Variants in NBPF19 observed in about 807,000 individuals in gnomAD.
The protein encoded by NBPF19 is NBPF family member NBPF19.
NBPF19 carries 30 observed loss-of-function variants against 45.9 expected under a neutral mutation model. The ratio of observed to expected loss-of-function variants is 0.65; its 90% CI spans 0.49 to 0.89. The LOEUF (loss-of-function observed/expected upper bound fraction) is 0.89, where lower values mean the gene tolerates loss of function less well. NBPF19 is among the 40% of genes least tolerant of loss of function. The pLI is 0.00. For missense variants in NBPF19, 495 were observed against 471.8 expected (o/e 1.05, Z -0.46); for synonymous variants, 183 against 181.2 (o/e 1.01, Z -0.08).
At chr1:149,478,806 A>G (rs1266834609) in intron 3 of NBPF19, 74 bp from the exon 4 acceptor site, 6 of 1,358,486 alleles carry the variant, frequency 4.4e-6, no homozygotes, top group Non-Finnish European at 6.3e-6. Flanking sequence ...TTGTCTCAGA[A>G]GTCTCTGTTG....
chr1:149,486,414 A>T, intron 8 of NBPF19, 121 bp downstream of exon 8: 1 of 677,212 alleles, frequency 1.5e-6, no homozygotes. Flanking sequence ...CTGAACCTAT[A>T]TATCAATGTA....
Position 149,491,070 on chromosome 1 carries a change from A to T in NBPF19, c.1491-69A>T, listed in dbSNP as rs1400618584. 1.6e-5 allele frequency: 5 copies of T among 314,462 alleles called. 1 individual carries two copies. Among genetic ancestry groups the T allele is most frequent in the Non-Finnish European group, 2.2e-5 (4 of 182,232 alleles). The allele number at this position is 314,462 out of a possible 1,614,324, so 19.5% of individuals were successfully genotyped here. A position where few individuals can be genotyped will look rare whatever the true frequency, so the allele number is the denominator to read the frequency against. ...TAACCACTTCCCTATGCTACCCATG[A>T]AACCTAGTTGGGGCTCTGTTGTGTG... On this transcript the variant is annotated intron_variant, in intron 13 of 93. Coordinates refer to ENST00000651566, the MANE Select transcript of NBPF19 (RefSeq NM_001351365.2).
At position 149,554,692 on chromosome 1, in the gene NBPF19, C is replaced by G. The variant is rs1327509963; in HGVS notation, c.11486C>G (p.Thr3829Arg). ...AATAGGTTTTTTACTTTGACGGTGA[C>G]AAGTCTCCATCTGGTGTTCCAGATG... is the stretch of plus-strand genomic sequence containing the variant. ...LDNRFFTLTV[T>R]SLHLVFQMLV... is the part of the protein sequence containing the mutation. The change falls in exon 94 of 94, where the codon ACA becomes AGA. Residue 3829 changes from threonine to arginine, a missense_variant. This residue lies in a region of NBPF19 where 248 missense variants were observed against 95.4 expected (regional missense o/e 2.60). Transcript: ENST00000651566. 25 of 1,608,180 alleles carry G rather than the reference C, an allele frequency of 1.6e-5. 1 individual carries two copies. Among genetic ancestry groups the G allele is most frequent in the African/African-American group, 2.7e-5 (2 of 74,660 alleles).
chr1:149,478,087 T>A, intron 3 of NBPF19, 40 bp downstream of exon 3: 1 of 1,461,850 alleles, frequency 6.8e-7, no homozygotes, highest in Non-Finnish European at 9.5e-7. Context: ...CGGGTAGGTG[T>A]GTAGATCTCT....
intron 13 of NBPF19, among the ~76,000 whole-genome samples, chr1:149,490,905 TGTGTGTGTGTGTGTGC>T (rs2085826771): frequency 7.6e-6 from 1 of 131,932 alleles, no homozygotes. Context: ...TCTCTGTGTG[TGTGTGTGTGTGTGTGC>T]GTGTGTGTGT....
chr1:149,554,845 G>T lies in NBPF19; in HGVS notation c.*107G>T, dbSNP rs1278524665. 4 of 1,564,898 alleles carry T rather than the reference G, an allele frequency of 2.6e-6. No individual in the cohort carries two copies. Among genetic ancestry groups the T allele is most frequent in the Admixed American group, 1.8e-5 (1 of 56,784 alleles). ...CATTTGGAAGCCCAGACATAGGATG[G>T]GTCAGTGGGCATGGCTCTTTTCCTA... On this transcript the variant is annotated 3_prime_UTR_variant, in exon 94 of 94. Transcript: ENST00000651566.
rs1437653557 is a variant in NBPF19 at position 149,488,327 on chromosome 1, C to T, written c.1213+142C>T. On this transcript the variant is annotated intron_variant, in intron 10 of 93. Coordinates refer to ENST00000651566, the MANE Select transcript of NBPF19 (RefSeq NM_001351365.2). ...ATAGGCACATGTAGGTTGAATGAAACTCTAGTTCCACTTGGCAGCCCAGAC... is the reference window on the plus strand; with the variant it reads ...ATAGGCACATGTAGGTTGAATGAAATTCTAGTTCCACTTGGCAGCCCAGAC... The T allele has an allele frequency of 2.1e-5, 13 of 625,366 alleles. No homozygotes were observed. The Admixed American group carries it at 2.2e-4, about 11-fold the overall frequency. 38.7% of individuals were successfully genotyped at this position (625,366 alleles called of 1,614,324 possible).
At position 149,487,805 on chromosome 1, in the gene NBPF19, G is replaced by GTGTGTGTGTGTGTT. The variant is rs1553710673; in HGVS notation, c.1041-195_1041-194insTTGTGTGTGTGTGT. On this transcript the variant is annotated intron_variant, in intron 9 of 93. Transcript: ENST00000651566. ...TGTGTGTGTGTGTGTGTGTGTGTGT[G>GTGTGTGTGTGTGTT]TGTGTGTGTGTGTGTGTGTCTTTCT... Among the ~76,000 whole-genome samples, 122 of 148,354 alleles carry GTGTGTGTGTGTGTT rather than the reference G, an allele frequency of 8.2e-4. 1 individual carries two copies. The highest frequency in any genetic ancestry group is 3.4e-3 in the Middle Eastern group (1 of 290).
At chr1:149,487,635 A>G (rs1355395000) in intron 9 of NBPF19, among the ~76,000 whole-genome samples, 1 of 150,474 alleles carries the variant, frequency 6.6e-6, no homozygotes, top group Non-Finnish European at 1.5e-5. Flanking sequence ...ACTGCAGGGA[A>G]ACTTGAGCAC....
chr1:149,478,625 C>T (rs1211474057), intron 3 of NBPF19, among the ~76,000 whole-genome samples: 1 of 150,986 alleles, frequency 6.6e-6, no homozygotes, highest in African/African-American at 2.4e-5. Context: ...ATTAGGAAGA[C>T]ACCTACTTTT....
chr1:149,529,029 A>T (rs1324704734), intron 61 of NBPF19, 145 bp from the exon 62 acceptor site: 1 of 453,880 alleles, frequency 2.2e-6, no homozygotes, highest in Non-Finnish European at 3.9e-6. Context: ...CTGTCCCAAC[A>T]TGAAGGCAAT....
At chr1:149,487,181 C>A (rs1402530624) in intron 8 of NBPF19, 151 bp from the exon 9 acceptor site, 29 of 755,078 alleles carry the variant, frequency 3.8e-5, no homozygotes, top group South Asian at 3.8e-4. Context: ...TTTCTCAAGA[C>A]TTGACCTCAG....
At position 149,554,585 on chromosome 1, in the gene NBPF19, A is replaced by G. The variant is rs1452010474; in HGVS notation, c.11379A>G (p.Glu3793=). Residue 3793 remains glutamate, a synonymous_variant, in exon 94 of 94, where the codon GAA becomes GAG. Coordinates refer to ENST00000651566, the MANE Select transcript of NBPF19 (RefSeq NM_001351365.2). ...ATTCGACTCCGTCAATGTACTTTGA[A>G]CTACCTGACTCATTCCAGCACTACA... ...GCYSTPSMYF[E]LPDSFQHYRS... The G allele has an allele frequency of 1.5e-5, 24 of 1,608,226 alleles. 1 individual carries two copies. The highest frequency in any genetic ancestry group is 8.8e-5 in the South Asian group (8 of 90,890).
intron 6 of NBPF19, among the ~76,000 whole-genome samples, chr1:149,481,496 T>C (rs1222668543): frequency 1.5e-5 from 2 of 137,624 alleles, no homozygotes; most frequent in Non-Finnish European, 3.1e-5. Context: ...TTTTTTTTTT[T>C]TTGCAATGGA....
In NBPF19 at chr1:149,481,473, ATTTTTTTT is replaced by A. The variant is rs1190866284; in HGVS notation, c.772+607_772+614del. On this transcript the variant is annotated intron_variant, in intron 6 of 93. Coordinates refer to ENST00000651566, the MANE Select transcript of NBPF19 (RefSeq NM_001351365.2). ...CCAATGTTTCTTTGTAGCATCGTGG[ATTTTTTTT>A]TTTTTTTTTTTTTTTTTGCAATGGA... Among the ~76,000 whole-genome samples, 27 of 66,726 alleles carry A rather than the reference ATTTTTTTT, an allele frequency of 4.0e-4. No homozygotes were observed. The East Asian group carries it at 6.4e-3, about 16-fold the overall frequency. 43.8% of individuals were successfully genotyped at this position (66,726 alleles called of 152,430 possible). A position where few individuals can be genotyped will look rare whatever the true frequency, so the allele number is the denominator to read the frequency against.
chr1:149,477,350 A>G (rs2084904429), intron 2 of NBPF19, among the ~76,000 whole-genome samples: 1 of 151,348 alleles, frequency 6.6e-6, no homozygotes, highest in South Asian at 2.1e-4. Flanking sequence ...CAACTAATCT[A>G]AATCTTAATG....
At chr1:149,482,620 TG>T (rs2085264725) in intron 7 of NBPF19, among the ~76,000 whole-genome samples, 1 of 152,184 alleles carries the variant, frequency 6.6e-6, no homozygotes, top group South Asian at 2.1e-4. Context: ...ATTTTAATTG[TG>T]ATGTTAGGGT....
chr1:149,487,411 A>C lies in NBPF19; in HGVS notation c.1040+28A>C, dbSNP rs1279069359. The C allele has an allele frequency of 7.8e-5, 98 of 1,263,232 alleles. 4 individuals carry two copies. In the Admixed American group the frequency reaches 1.6e-3, roughly 20 times the overall value. 78.3% of individuals were successfully genotyped at this position (1,263,232 alleles called of 1,614,324 possible). A position where few individuals can be genotyped will look rare whatever the true frequency, so the allele number is the denominator to read the frequency against. On this transcript the variant is annotated intron_variant, in intron 9 of 93. Transcript: ENST00000651566. ...GAGTCTGAGAAATTGTGGACAGTTA[A>C]TTTGATGTTGACACCTGGAGATGCC...
At position 149,486,212 on chromosome 1, in the gene NBPF19, A is replaced by T; in HGVS notation, c.907A>T (p.Met303Leu). 1.9e-6 allele frequency: 1 copy of T among 516,604 alleles called. No homozygotes were observed. The highest frequency in any genetic ancestry group is 3.3e-6 in the Non-Finnish European group (1 of 300,852). 32.0% of individuals were successfully genotyped at this position (516,604 alleles called of 1,614,324 possible). A position where few individuals can be genotyped will look rare whatever the true frequency, so the allele number is the denominator to read the frequency against. ...TTCGACTCTCTCAATTCCTCCTGAA[A>T]TGTTGGCCTCGTACCAGTCTTACAG... Reference protein sequence around the residue: ...GYSTLSIPPEMLASYQSYSST... With the variant: ...GYSTLSIPPELLASYQSYSST... Residue 303 changes from methionine (M) to leucine (L), a missense_variant, in exon 8 of 94, where the codon ATG becomes TTG. By Grantham distance (15) the Met-to-Leu change is conservative. Coordinates refer to ENST00000651566, the MANE Select transcript of NBPF19 (RefSeq NM_001351365.2).
Sources: gnomAD v4.1 joint callset for allele counts (sites outside exome capture counted in the v4.1 genomes callset) on GRCh38, gnomAD v4.1.1 for gene constraint, gnomAD v4.1.1 regional missense constraint, MANE v1.5 for transcripts, NCBI Gene and HGNC (gene_info 2026-07-23, HGNC 2026-07-21) for gene names.